MSL3: variants seen among roughly 807,000 people sequenced by gnomAD.
MSL3 encodes the protein MSL3-like 1.
A neutral mutation model predicts 37.2 loss-of-function variants in MSL3; 5 were observed. The observed-to-expected ratio is 0.13, with a 90% confidence interval of 0.07 to 0.28. The LOEUF is 0.28. Ranked by LOEUF, MSL3 falls within the 10% of genes least tolerant of loss-of-function variation. The pLI is 1.00. For synonymous variants in MSL3, 149 were observed against 147.6 expected (o/e 1.01, Z -0.07); for missense variants, 315 against 408.5 (o/e 0.77, Z 1.97).
In MSL3 at chrX:11,768,690, ATGTT is replaced by A; in HGVS notation, c.1281+11_1281+14del. The A allele has an allele frequency of 1.9e-6, 2 of 1,074,164 alleles. No homozygotes were observed. The highest frequency in any genetic ancestry group is 3.0e-5 in the East Asian group (1 of 33,309). The allele number at this position is 1,074,164 out of a possible 1,213,427, so 88.5% of individuals were successfully genotyped here. A position where few individuals can be genotyped will look rare whatever the true frequency, so the allele number is the denominator to read the frequency against. On this transcript the variant is annotated intron_variant, in intron 10 of 12. Transcript: ENST00000312196. ...ACTAATGAAATAAACGAGGTAAAGA[ATGTT>A]TGATGTTTGTTCCCAATGGTTCCTT...
chrX:11,774,691 C>T (rs1315409185), intron 12 of MSL3, among the ~76,000 whole-genome samples: 6 of 109,975 alleles, frequency 5.5e-5, no homozygotes, highest in Admixed American at 9.6e-5. Flanking sequence ...TTTTTTTTTC[C>T]GCCCCCAACA....
chrX:11,765,847 T>C, intron 9 of MSL3, 118 bp downstream of exon 9: 9 of 1,128,034 alleles, frequency 8.0e-6, no homozygotes, highest in Non-Finnish European at 1.1e-5. Context: ...GTGATTCCCA[T>C]GTCCAAAGTG....
intron 4 of MSL3, 117 bp from the exon 5 acceptor site, chrX:11,761,383 A>C: frequency 2.4e-6 from 1 of 422,909 alleles, no homozygotes. Flanking sequence ...ATTTAAAAAT[A>C]CATGGAATTG....
At chrX:11,769,806 A>G (rs1406786346) in intron 10 of MSL3, among the ~76,000 whole-genome samples, 1 of 111,727 alleles carries the variant, frequency 9.0e-6, no homozygotes, top group Non-Finnish European at 1.9e-5. Flanking sequence ...AAGTTTTGCC[A>G]TGTTGCCCAG....
At chrX:11,763,113 A>G (rs746483010) in intron 7 of MSL3, 116 bp downstream of exon 7, 2 of 595,037 alleles carry the variant, frequency 3.4e-6, no homozygotes, top group East Asian at 4.2e-5. Context: ...TTAATATTTA[A>G]TAATTTATTG....
rs180954179 is a variant in MSL3, at chrX:11,758,816, C to T, written c.102+451C>T. ...CACGGCGCTGGCCGCTGACTTGCGA[C>T]GTTGTGTCCCTGGGACCCTAGTCCA... is the stretch of plus-strand genomic sequence containing the variant. On this transcript the variant is annotated intron_variant, in intron 1 of 12. Coordinates refer to ENST00000312196, the MANE Select transcript of MSL3 (RefSeq NM_078629.4). 9.8e-4 allele frequency: 1,108 copies of T among 1,130,837 alleles called. 10 individuals carry two copies. In the African/African-American group the frequency reaches 0.017, roughly 17 times the overall value. The allele number at this position is 1,130,837 out of a possible 1,213,427, so 93.2% of individuals were successfully genotyped here.
At chrX:11,760,327 C>T (rs1219286008) in intron 2 of MSL3, 76 bp from the exon 3 acceptor site, 1 of 658,545 alleles carries the variant, frequency 1.5e-6, no homozygotes, top group Non-Finnish European at 2.3e-6. Flanking sequence ...TGGGGCATTT[C>T]TATTGCTTTG....
At chrX:11,760,754 T>A (rs909903037) in intron 3 of MSL3, 83 bp from the exon 4 acceptor site, 1 of 761,151 alleles carries the variant, frequency 1.3e-6, no homozygotes, top group African/African-American at 2.2e-5. Context: ...ATGTATTTCA[T>A]TGTTTATTAT....
At chrX:11,766,600 ATG>A in intron 9 of MSL3, 1 of 754,622 alleles carries the variant, frequency 1.3e-6, no homozygotes, top group Non-Finnish European at 1.6e-6. Context: ...ACTGCCAAAA[ATG>A]TGTGAAATGG....
chrX:11,762,034 T>C (rs975979340), intron 5 of MSL3, 96 bp from the exon 6 acceptor site: 1 of 678,887 alleles, frequency 1.5e-6, no homozygotes, highest in African/African-American at 2.3e-5. Flanking sequence ...ACTATGATTG[T>C]TGAGGATTAG....
At chrX:11,770,641 G>A (rs778794706) in intron 10 of MSL3, among the ~76,000 whole-genome samples, 1 of 111,033 alleles carries the variant, frequency 9.0e-6, no homozygotes, top group African/African-American at 3.3e-5. Flanking sequence ...CAGTACTAGG[G>A]GCTGGTCTGG....
chrX:11,760,719 G>A (rs1231511093), intron 3 of MSL3, 118 bp from the exon 4 acceptor site: 1 of 640,138 alleles, frequency 1.6e-6, no homozygotes, highest in Non-Finnish European at 2.3e-6. Flanking sequence ...TACCATTTAT[G>A]TTCTAAAGTT....
chrX:11,769,397 C>T (rs781172490), intron 10 of MSL3, among the ~76,000 whole-genome samples: 33 of 112,295 alleles, frequency 2.9e-4, no homozygotes, highest in African/African-American at 8.7e-4. Flanking sequence ...CAGATTTCCA[C>T]TTGATAGATG....
intron 12 of MSL3, among the ~76,000 whole-genome samples, chrX:11,773,963 TG>T (rs1483113412): frequency 8.9e-6 from 1 of 112,061 alleles, no homozygotes; most frequent in Non-Finnish European, 1.9e-5. Flanking sequence ...TTTGGGCAGG[TG>T]GGAGTCACTG....
chrX:11,772,594 A>G, intron 11 of MSL3, 27 bp from the exon 12 acceptor site: 1 of 1,062,481 alleles, frequency 9.4e-7, no homozygotes, highest in East Asian at 3.0e-5. Context: ...CTAATTGTAA[A>G]TGGTTTTGCC....
chrX:11,775,170 C>A lies in MSL3; in HGVS notation c.*91C>A. 1 of 646,051 alleles carries A rather than the reference C, an allele frequency of 1.5e-6. No homozygotes were observed. The highest frequency in any genetic ancestry group is 2.5e-6 in the Non-Finnish European group (1 of 402,772). The allele number at this position is 646,051 out of a possible 1,213,427, so 53.2% of individuals were successfully genotyped here. A position where few individuals can be genotyped will look rare whatever the true frequency, so the allele number is the denominator to read the frequency against. Reference sequence around the variant, plus strand: ...ACTAACAAGGTGGTGGGTCTTTACCCACAGCGCAAACACAATGCCCACCTT... The same window carrying A: ...ACTAACAAGGTGGTGGGTCTTTACCAACAGCGCAAACACAATGCCCACCTT... On this transcript the variant is annotated 3_prime_UTR_variant, in exon 13 of 13. Coordinates refer to ENST00000312196, the MANE Select transcript of MSL3 (RefSeq NM_078629.4).
At chrX:11,761,073 T>C in intron 4 of MSL3, 136 bp downstream of exon 4, 1 of 474,750 alleles carries the variant, frequency 2.1e-6, no homozygotes, top group South Asian at 3.9e-5. Flanking sequence ...TTTTGACAAT[T>C]AAAGTAGCAG....
intron 8 of MSL3, chrX:11,764,338 G>A (rs745430112): frequency 8.4e-6 from 1 of 118,898 alleles, no homozygotes; most frequent in African/African-American, 3.2e-5. Flanking sequence ...GCAGGTGTGG[G>A]ATGGACGGAA....
intron 8 of MSL3, 77 bp downstream of exon 8, chrX:11,764,015 T>C: frequency 1.1e-6 from 1 of 903,026 alleles, no homozygotes; most frequent in African/African-American, 2.0e-5. Flanking sequence ...AAGAGTTCAA[T>C]CTGATGGTGT....
Sources: allele counts gnomAD v4.1 joint callset (sites outside exome capture counted in the v4.1 genomes callset), GRCh38; gene constraint gnomAD v4.1.1; transcripts MANE v1.5; gene names NCBI Gene and HGNC (gene_info 2026-07-23, HGNC 2026-07-21).